The following SMARCA1 variants were observed in gnomAD, a reference collection of about 807,000 sequenced individuals.
The protein encoded by SMARCA1 is SNF2 related chromatin remodeling ATPase 1.
In SMARCA1, 17 loss-of-function variants were observed where a neutral mutation model predicts 93.6. The observed-to-expected ratio is 0.18, with a 90% CI of 0.12 to 0.27. The LOEUF (loss-of-function observed/expected upper bound fraction) is 0.27, where lower values mean the gene tolerates loss of function less well. Among genes scored for constraint, SMARCA1 ranks in the 10% least tolerant of loss-of-function variants. SMARCA1 has a pLI of 1.00. For missense variants in SMARCA1, 630 were observed against 819.0 expected (o/e 0.77, Z 2.82); for synonymous variants, 271 against 271.4 (o/e 1.00, Z 0.01).
At chrX:129,520,638 G>A (rs992869590) in intron 1 of SMARCA1, among the ~76,000 whole-genome samples, 31 of 109,805 alleles carry the variant, frequency 2.8e-4, no homozygotes, top group Non-Finnish European at 5.5e-4. Context: ...AGAAACCAAG[G>A]ACGAAAATGT....
At chrX:129,485,041 C>T (rs1234821821) in intron 17 of SMARCA1, among the ~76,000 whole-genome samples, 1 of 112,617 alleles carries the variant, frequency 8.9e-6, no homozygotes, top group Non-Finnish European at 1.9e-5. Context: ...AACTCCTACA[C>T]AAAGTCCCCA....
chrX:129,468,971 T>A, intron 20 of SMARCA1, 66 bp from the exon 21 acceptor site: 1 of 692,536 alleles, frequency 1.4e-6, no homozygotes, highest in Non-Finnish European at 2.1e-6. Context: ...TTGCCCTATT[T>A]ACTTCTATAC....
chrX:129,483,149 A>G lies in SMARCA1; in HGVS notation c.2218-1964T>C, dbSNP rs1249180535. Among the ~76,000 whole-genome samples, 3 of 112,581 alleles carry G rather than the reference A, an allele frequency of 2.7e-5. No individual in the cohort carries two copies. In the Admixed American group the frequency reaches 2.8e-4, roughly 11 times the overall value. ...AATATAATTTAACTATTCATTAATT[A>G]CCTACTGTATTATGTGCAAGTCAGT... On this transcript the variant is annotated intron_variant, in intron 17 of 24. Coordinates refer to ENST00000371121, the MANE Select transcript of SMARCA1 (RefSeq NM_001282874.2).
At chrX:129,476,452 T>C (rs1329991982) in intron 19 of SMARCA1, among the ~76,000 whole-genome samples, 2 of 111,704 alleles carry the variant, frequency 1.8e-5, no homozygotes, top group Non-Finnish European at 3.8e-5. Context: ...AGGAAACCAC[T>C]CTCTACCAAC....
At chrX:129,470,052 C>T (rs148827194) in intron 20 of SMARCA1, among the ~76,000 whole-genome samples, 1,206 of 111,011 alleles carry the variant, frequency 0.011, 24 homozygotes, top group African/African-American at 0.037. Context: ...AATAAAATTA[C>T]GTTATAGCAA....
intron 1 of SMARCA1, among the ~76,000 whole-genome samples, chrX:129,520,138 C>CGTGTGTGTGT (rs374631579): frequency 0.012 from 1,184 of 96,715 alleles, 12 homozygotes; most frequent in African/African-American, 0.036. Context: ...AACCTTCTCT[C>CGTGTGTGTGT]GTGTGTGTGT....
At chrX:129,518,330 C>T in intron 2 of SMARCA1, 31 bp downstream of exon 2, 1 of 832,016 alleles carries the variant, frequency 1.2e-6, no homozygotes, top group Non-Finnish European at 1.7e-6. Context: ...TTAATTACAG[C>T]ATTCACTATC....
At chrX:129,462,739 G>A (rs967946570) in intron 23 of SMARCA1, among the ~76,000 whole-genome samples, 1 of 110,969 alleles carries the variant, frequency 9.0e-6, no homozygotes, top group East Asian at 2.8e-4. Context: ...AGACAGAAAT[G>A]TCTTCATTTT....
At chrX:129,448,311 A>G in intron 24 of SMARCA1, 22 bp downstream of exon 24, 1 of 1,201,261 alleles carries the variant, frequency 8.3e-7, no homozygotes, top group Non-Finnish European at 1.1e-6. Flanking sequence ...CCTAAAAGTT[A>G]GGAAAATGCT....
chrX:129,490,002 G>A, intron 15 of SMARCA1, 58 bp downstream of exon 15: 1 of 920,872 alleles, frequency 1.1e-6, no homozygotes, highest in Non-Finnish European at 1.5e-6. Context: ...AATCTCCTTT[G>A]AAGAAAACTA....
At chrX:129,507,577 C>T (rs866338164) in intron 7 of SMARCA1, among the ~76,000 whole-genome samples, 21 of 112,419 alleles carry the variant, frequency 1.9e-4, no homozygotes, top group Middle Eastern at 4.6e-3. Context: ...TTTCTTGAGA[C>T]GGAGTCTCAC....
At chrX:129,460,230 G>T (rs986244035) in intron 23 of SMARCA1, among the ~76,000 whole-genome samples, 1 of 111,380 alleles carries the variant, frequency 9.0e-6, no homozygotes, top group Admixed American at 9.5e-5. Context: ...ATAAATACGT[G>T]GTTTTAAATA....
chrX:129,462,943 T>C (rs756930997), intron 23 of SMARCA1, among the ~76,000 whole-genome samples: 42 of 111,224 alleles, frequency 3.8e-4, no homozygotes, highest in African/African-American at 1.2e-3. Flanking sequence ...TTATACTGGA[T>C]TTTTTTCTTA....
intron 20 of SMARCA1, 88 bp downstream of exon 20, chrX:129,471,116 C>T: frequency 1.4e-6 from 1 of 725,770 alleles, no homozygotes; most frequent in Non-Finnish European, 2.0e-6. Flanking sequence ...CACTAGGATA[C>T]TAGGCCCATA....
At chrX:129,481,788 C>G (rs1326455117) in intron 17 of SMARCA1, among the ~76,000 whole-genome samples, 2 of 111,335 alleles carry the variant, frequency 1.8e-5, no homozygotes, top group Non-Finnish European at 3.8e-5. Context: ...CCTCAGGGAT[C>G]TAGAACTAGA....
intron 7 of SMARCA1, among the ~76,000 whole-genome samples, chrX:129,507,663 C>T (rs1158893383): frequency 8.9e-6 from 1 of 112,335 alleles, no homozygotes; most frequent in Non-Finnish European, 1.9e-5. Context: ...AAGCTATTCT[C>T]CTGCCTCAGC....
chrX:129,482,308 G>A (rs1326204076), intron 17 of SMARCA1, among the ~76,000 whole-genome samples: 7 of 107,629 alleles, frequency 6.5e-5, no homozygotes, highest in African/African-American at 2.4e-4. Flanking sequence ...ATGTGCACAT[G>A]TACCCTAAAA....
At position 129,515,875 on chromosome X, in the gene SMARCA1, A is replaced by G; in HGVS notation, c.529+19T>C. 6.1e-6 allele frequency: 7 copies of G among 1,156,893 alleles called. No homozygotes were observed. The highest frequency in any genetic ancestry group is 8.3e-6 in the Non-Finnish European group (7 of 845,756). On this transcript the variant is annotated intron_variant, in intron 4 of 24. Transcript: ENST00000371121. ...AAACTAAATTGAAAAAGAACTCACC[A>G]ATGTGATGAAGTACTTACATGAAGG... is the stretch of plus-strand genomic sequence containing the variant.
At chrX:129,502,185 T>C (rs1224330572) in intron 9 of SMARCA1, among the ~76,000 whole-genome samples, 1 of 111,411 alleles carries the variant, frequency 9.0e-6, no homozygotes, top group East Asian at 2.8e-4. Flanking sequence ...TATGAAAGTA[T>C]AGTGCTTAGG....
Sources: allele counts gnomAD v4.1 joint callset (sites outside exome capture counted in the v4.1 genomes callset), GRCh38; gene constraint gnomAD v4.1.1; transcripts MANE v1.5; gene names NCBI Gene and HGNC (gene_info 2026-07-23, HGNC 2026-07-21).